Variants in SLC22A24 observed in about 807,000 individuals in gnomAD.
SLC22A24 encodes steroid transmembrane transporter SLC22A24.
Under a neutral mutation model 49.8 loss-of-function variants are expected in SLC22A24, and 53 were observed. That is an observed-to-expected ratio of 1.06 (90% CI 0.85 to 1.34). The LOEUF (loss-of-function observed/expected upper bound fraction) is 1.34. Ranked by LOEUF, SLC22A24 falls within the 40% of genes most tolerant of loss-of-function variation. SLC22A24 has a pLI of 0.00. For missense variants in SLC22A24, 786 were observed against 675.9 expected (o/e 1.16, Z -1.81); for synonymous variants, 302 against 256.4 (o/e 1.18, Z -1.70).
chr11:63,103,050 G>C (rs905166861), intron 5 of SLC22A24, among the ~76,000 whole-genome samples: 2 of 152,074 alleles, frequency 1.3e-5, no homozygotes, highest in African/African-American at 4.8e-5. Context: ...TGAAATTCTG[G>C]ACTTTGAGCA....
At chr11:63,108,795 T>C (rs1296630849) in intron 4 of SLC22A24, among the ~76,000 whole-genome samples, 2 of 152,072 alleles carry the variant, frequency 1.3e-5, no homozygotes, top group Non-Finnish European at 2.9e-5. Flanking sequence ...TTATCATTTT[T>C]TTTTGCATCT....
Position 63,079,965 on chromosome 11 carries a change from G to A in SLC22A24, c.1634C>T (p.Thr545Ile), listed in dbSNP as rs775652219. 1.6e-5 allele frequency: 25 copies of A among 1,546,356 alleles called. No individual in the cohort carries two copies. Among genetic ancestry groups the A allele is most frequent in the Admixed American group, 3.9e-5 (2 of 50,964 alleles). The change falls in exon 10 of 10, where the codon ACT becomes ATT. Residue 545 changes from threonine to isoleucine, a missense_variant. Coordinates refer to ENST00000612278, the MANE Select transcript of SLC22A24 (RefSeq NM_001136506.2). ...KDSRNIKQED[T>I]CMKVTQF ...TTAAAACTGTGTTACTTTCATGCAA[G>A]TATCTTCCTGCTTTATGTTTCTTGA...
At chr11:63,080,847 T>C (rs2086955216) in intron 9 of SLC22A24, 73 bp downstream of exon 9, 1 of 1,346,940 alleles carries the variant, frequency 7.4e-7, no homozygotes, top group Non-Finnish European at 1.0e-6. Context: ...CAAATGGTCG[T>C]TGACCTTTCT....
chr11:63,080,981 G>T lies in SLC22A24; in HGVS notation c.1537C>A (p.Leu513Ile), dbSNP rs1048224509. 3 of 1,552,230 alleles carry T rather than the reference G, an allele frequency of 1.9e-6. No homozygotes were observed. Among genetic ancestry groups the T allele is most frequent in the East Asian group, 4.9e-5 (2 of 40,948 alleles). ...AGATCCCTGGTTTCTGGAAGGAGGA[G>T]GATAACAGGGACAGCAAGGATGGGG... ...VFPILAVPVILLLPETRDLPL... is the reference protein window; with the variant it reads ...VFPILAVPVIILLPETRDLPL... The change falls in exon 9 of 10, where the codon CTC (leucine) becomes ATC (isoleucine). Residue 513 changes from leucine to isoleucine, a missense_variant. Coordinates refer to ENST00000612278, the MANE Select transcript of SLC22A24 (RefSeq NM_001136506.2).
Position 63,088,917 on chromosome 11 carries a change from T to C in SLC22A24, c.1071-5460A>G, listed in dbSNP as rs2087002868. On this transcript the variant is annotated intron_variant, in intron 6 of 9. Transcript: ENST00000612278. ...GAATGAACAAAGCCTCCAAGAAACA[T>C]GAGACTATGAAAAGACACAACCTAC... is the stretch of plus-strand genomic sequence containing the variant. Among the ~76,000 whole-genome samples the C allele has an allele frequency of 1.3e-5, 2 of 151,772 alleles. 1 individual carries two copies. Among genetic ancestry groups the C allele is most frequent in the East Asian group, 3.9e-4 (2 of 5,170 alleles).
intron 4 of SLC22A24, among the ~76,000 whole-genome samples, chr11:63,110,915 C>G (rs2087158598): frequency 6.6e-6 from 1 of 151,206 alleles, no homozygotes; most frequent in Non-Finnish European, 1.5e-5. Context: ...GAGGGCATCC[C>G]TGTCTTGTGC....
chr11:63,100,775 C>A (rs1939742), intron 5 of SLC22A24, among the ~76,000 whole-genome samples: 75,874 of 151,762 alleles, frequency 0.5, 19,097 homozygotes, highest in East Asian at 0.54. Context: ...TGATTTTTGA[C>A]AAAGGTACTA....
intron 4 of SLC22A24, among the ~76,000 whole-genome samples, chr11:63,111,535 T>C (rs1474893946): frequency 6.6e-6 from 1 of 152,162 alleles, no homozygotes; most frequent in East Asian, 1.9e-4. Context: ...TAGCCTGTTA[T>C]TGGTCTATTC....
Position 63,119,234 on chromosome 11 carries a change from CG to C in SLC22A24, c.607del (p.Arg203AlafsTer9). On this transcript the variant is annotated frameshift_variant, in exon 3 of 10. Transcript: ENST00000612278. LOFTEE classifies it high-confidence loss of function. ...APTFLVYCILRFLAGFSTMTI... is the reference protein window; with the variant it reads ...APTFLVYCILXFLAGFSTMTI... The stretch of plus-strand genomic sequence containing the variant: ...CATGGTGGAGAACCCTGCCAAGAAG[CG>C]CAGTATGCAGTAAACAAGGAAGGTG... The C allele has an allele frequency of 6.4e-7, 1 of 1,550,974 alleles. No individual in the cohort carries two copies. The highest frequency in any genetic ancestry group is 1.4e-5 in the African/African-American group (1 of 73,080).
At chr11:63,106,123 T>C (rs907340048) in intron 4 of SLC22A24, among the ~76,000 whole-genome samples, 19 of 126,522 alleles carry the variant, frequency 1.5e-4, no homozygotes, top group African/African-American at 5.8e-4. Context: ...GATGTTCCCC[T>C]TCCTGTGTCC....
At chr11:63,113,233 T>TATATAC (rs2087187569) in intron 4 of SLC22A24, among the ~76,000 whole-genome samples, 1 of 134,022 alleles carries the variant, frequency 7.5e-6, no homozygotes, top group African/African-American at 2.8e-5. Flanking sequence ...TATATACATA[T>TATATAC]ATATATATAT....
At chr11:63,131,055 T>G (rs1416240376) in intron 2 of SLC22A24, among the ~76,000 whole-genome samples, 1 of 152,194 alleles carries the variant, frequency 6.6e-6, no homozygotes, top group Non-Finnish European at 1.5e-5. Context: ...TTTTGATCTT[T>G]GTTGGTTTAA....
At chr11:63,125,255 C>T (rs1252413775) in intron 2 of SLC22A24, among the ~76,000 whole-genome samples, 1 of 151,786 alleles carries the variant, frequency 6.6e-6, no homozygotes, top group Non-Finnish European at 1.5e-5. Context: ...TTTGCTGCAC[C>T]CATTAACTTG....
intron 2 of SLC22A24, among the ~76,000 whole-genome samples, chr11:63,131,568 G>T (rs2087335731): frequency 6.6e-6 from 1 of 152,146 alleles, no homozygotes; most frequent in South Asian, 2.1e-4. Flanking sequence ...GAAATTCTGG[G>T]TTGAAAATTC....
Position 63,140,051 on chromosome 11 carries a change from T to C in SLC22A24, c.402+3327A>G, listed in dbSNP as rs199823394. Among the ~76,000 whole-genome samples, 8 of 151,210 alleles carry C rather than the reference T, an allele frequency of 5.3e-5. No homozygotes were observed. The East Asian group carries it at 1.6e-3, about 29-fold the overall frequency. The stretch of plus-strand genomic sequence containing the variant: ...CATGTCTTTAGTAATCTTTTGGAAA[T>C]AGAGACAGTTTTTTTGTTTTTTTGT... On this transcript the variant is annotated intron_variant, in intron 1 of 9. Coordinates refer to ENST00000612278, the MANE Select transcript of SLC22A24 (RefSeq NM_001136506.2).
At chr11:63,095,847 G>A (rs759449023) in intron 6 of SLC22A24, 144 bp downstream of exon 6, 89 of 615,254 alleles carry the variant, frequency 1.4e-4, no homozygotes, top group Admixed American at 5.3e-4. Flanking sequence ...TAAAAATGTG[G>A]CACTTAGAGG....
At chr11:63,131,284 G>T (rs1294758075) in intron 2 of SLC22A24, among the ~76,000 whole-genome samples, 3 of 152,016 alleles carry the variant, frequency 2.0e-5, no homozygotes, top group Non-Finnish European at 2.9e-5. Flanking sequence ...TACATTTAAG[G>T]TTAATATTAT....
chr11:63,129,619 T>C (rs1025731778), intron 2 of SLC22A24, among the ~76,000 whole-genome samples: 2 of 152,224 alleles, frequency 1.3e-5, no homozygotes, highest in African/African-American at 2.4e-5. Context: ...CCATGGAATG[T>C]TCTTCCACTT....
intron 2 of SLC22A24, 84 bp from the exon 3 acceptor site, chr11:63,119,419 T>C: frequency 7.8e-7 from 1 of 1,283,914 alleles, no homozygotes; most frequent in Non-Finnish European, 1.1e-6. Context: ...CATCTTGAAA[T>C]TAGGATAAAT....
Sources: allele counts gnomAD v4.1 joint callset (sites outside exome capture counted in the v4.1 genomes callset), GRCh38; gene constraint gnomAD v4.1.1; transcripts MANE v1.5; gene names NCBI Gene and HGNC (gene_info 2026-07-23, HGNC 2026-07-21).